Variants in TPO observed in about 807,000 individuals in gnomAD.
The protein encoded by TPO is thyroid peroxidase.
A neutral mutation model predicts 96.9 loss-of-function variants in TPO; 78 were observed. The observed-to-expected ratio is 0.81, with a 90% CI of 0.67 to 0.97. TPO has a LOEUF of 0.97. Among genes scored for constraint, TPO ranks in the 50% least tolerant of loss-of-function variants. TPO has a pLI of 0.00. For missense variants in TPO, 1,252 were observed against 1,274.8 expected, an observed-to-expected ratio of 0.98 and a Z score of 0.27; for synonymous variants, 547 against 538.0, an observed-to-expected ratio of 1.02 and a Z score of -0.23.
chr2:1,501,709 C>T (rs1339617785), intron 13 of TPO, among the ~76,000 whole-genome samples: 3 of 152,102 alleles, frequency 2.0e-5, no homozygotes, highest in African/African-American at 7.2e-5. Context: ...TGTGAAGACC[C>T]AGGATGGAAA....
At chr2:1,537,647 C>T (rs1680121845) in intron 15 of TPO, among the ~76,000 whole-genome samples, 1 of 136,544 alleles carries the variant, frequency 7.3e-6, no homozygotes, top group Non-Finnish European at 1.6e-5. Flanking sequence ...CCCAGATCCC[C>T]CCCAATGTGT....
intron 15 of TPO, among the ~76,000 whole-genome samples, chr2:1,521,236 G>A (rs1458757973): frequency 6.6e-6 from 1 of 152,194 alleles, no homozygotes; most frequent in Non-Finnish European, 1.5e-5. Context: ...AGCCAGGTTT[G>A]TCCTCCGTCC....
chr2:1,461,019 G>T (rs1271603970), intron 7 of TPO, among the ~76,000 whole-genome samples: 1 of 152,220 alleles, frequency 6.6e-6, no homozygotes, highest in African/African-American at 2.4e-5. Flanking sequence ...GGCTGCTATT[G>T]GGGTAATTTA....
At chr2:1,446,278 A>T (rs78317016) in intron 5 of TPO, among the ~76,000 whole-genome samples, 2,033 of 152,306 alleles carry the variant, frequency 0.013, 21 homozygotes, top group Non-Finnish European at 0.021. Flanking sequence ...GTTAGATGGT[A>T]ACCCCTGGGC....
rs766176917 is a variant in TPO, at chr2:1,503,927, G to A, written c.2387-21G>A. 3.1e-6 allele frequency: 5 copies of A among 1,614,170 alleles called. No homozygotes were observed. In the East Asian group the frequency reaches 6.7e-5, roughly 22 times the overall value. ...GGTGCAGCCGCTTCCTCTCACGTGT[G>A]TGGCCTTGTGTGTCTGGCAGATGTG... On this transcript the variant is annotated intron_variant, in intron 13 of 16. Transcript: ENST00000329066.
chr2:1,489,940 A>G (rs76665631), intron 10 of TPO, among the ~76,000 whole-genome samples: 13,621 of 115,696 alleles, frequency 0.12, 895 homozygotes, highest in South Asian at 0.21. Flanking sequence ...AGGAGGAGTC[A>G]CGACAGAGCA....
Position 1,448,177 on chromosome 2 carries a change from G to A in TPO, c.483-5517G>A, listed in dbSNP as rs576072562. ...AGGAGACTGCATGTTGTGCCCTGCC[G>A]GCATCCACACATTTGTGTAGTACCC... On this transcript the variant is annotated intron_variant, in intron 5 of 16. Coordinates refer to ENST00000329066, the MANE Select transcript of TPO (RefSeq NM_001206744.2). Among the ~76,000 whole-genome samples, 9 of 152,292 alleles carry A rather than the reference G, an allele frequency of 5.9e-5. No individual in the cohort carries two copies. In the South Asian group the frequency reaches 6.2e-4, roughly 11 times the overall value.
At chr2:1,390,147 C>A (rs969062106) in intron 1 of TPO, among the ~76,000 whole-genome samples, 2 of 137,344 alleles carry the variant, frequency 1.5e-5, no homozygotes, top group Non-Finnish European at 3.0e-5. Context: ...TTAGGTATTT[C>A]TCCTAATGCT....
chr2:1,427,792 A>T (rs905696435), intron 3 of TPO, among the ~76,000 whole-genome samples: 1 of 152,126 alleles, frequency 6.6e-6, no homozygotes, highest in East Asian at 1.9e-4. Flanking sequence ...ATTCCCTTTT[A>T]GCATTCAGGG....
At chr2:1,415,357 T>C (rs374606945) in intron 2 of TPO, among the ~76,000 whole-genome samples, 6,304 of 32,098 alleles carry the variant, frequency 0.2, no homozygotes, top group Admixed American at 0.23. Context: ...CAGGTGACAC[T>C]TCGCCGGGCA....
At chr2:1,389,895 A>G (rs1295157465) in intron 1 of TPO, among the ~76,000 whole-genome samples, 1 of 151,674 alleles carries the variant, frequency 6.6e-6, no homozygotes, top group African/African-American at 2.4e-5. Flanking sequence ...TCAAATTGCT[A>G]TTTGTCTTTG....
intron 7 of TPO, among the ~76,000 whole-genome samples, chr2:1,473,075 T>C (rs1669586471): frequency 6.6e-6 from 1 of 152,172 alleles, no homozygotes; most frequent in Non-Finnish European, 1.5e-5. Context: ...CTTACAAATG[T>C]TTTTCTACAG....
chr2:1,453,775 C>T lies in TPO; in HGVS notation c.564C>T (p.Pro188=), dbSNP rs1429753001. ...TCTATGAGGACGGCTTCAGTCAGCC[C>T]CGAGGCTGGAACCCCGGCTTCTTGT... ...PPVYEDGFSQ[P]RGWNPGFLYN... The change falls in exon 6 of 17, where the codon CCC becomes CCT. Residue 188 remains proline, a synonymous_variant. Transcript: ENST00000329066. 6.2e-7 allele frequency: 1 copy of T among 1,613,896 alleles called. No individual in the cohort carries two copies. Among genetic ancestry groups the T allele is most frequent in the African/African-American group, 1.3e-5 (1 of 75,066 alleles).
At chr2:1,411,832 T>C (rs1662371359), upstream of TPO, among the ~76,000 whole-genome samples, 1 of 152,162 alleles carries the variant, frequency 6.6e-6, no homozygotes, top group Non-Finnish European at 1.5e-5. Flanking sequence ...GTGCTAACAC[T>C]AAGGCCAGTG....
At chr2:1,524,527 A>C (rs1401674713) in intron 15 of TPO, among the ~76,000 whole-genome samples, 301 of 38,970 alleles carry the variant, frequency 7.7e-3, no homozygotes, top group East Asian at 8.7e-3. Context: ...CCCAAATCCC[A>C]CCCACTGTGT....
At chr2:1,420,630 C>A (rs559546422) in intron 2 of TPO, among the ~76,000 whole-genome samples, 1 of 152,206 alleles carries the variant, frequency 6.6e-6, no homozygotes, top group South Asian at 2.1e-4. Context: ...CTGAGGAAGA[C>A]CTGCACGCAA....
At chr2:1,522,425 G>A (rs1229263460) in intron 15 of TPO, among the ~76,000 whole-genome samples, 1 of 104,090 alleles carries the variant, frequency 9.6e-6, no homozygotes, top group Non-Finnish European at 1.9e-5. Context: ...CCGTGCCCTC[G>A]CAGTCTCTCT....
chr2:1,522,105 C>A (rs570332890), intron 15 of TPO, among the ~76,000 whole-genome samples: 2 of 151,522 alleles, frequency 1.3e-5, no homozygotes, highest in Non-Finnish European at 2.9e-5. Flanking sequence ...CGTGCCCTGG[C>A]AGTCTCTCTA....
intron 7 of TPO, 66 bp from the exon 8 acceptor site, chr2:1,477,020 A>G: frequency 6.5e-7 from 1 of 1,545,632 alleles, no homozygotes; most frequent in Non-Finnish European, 8.7e-7. Flanking sequence ...CCGGCCTCGA[A>G]CTTCCAGAGT....
Sources: allele counts gnomAD v4.1 joint callset (sites outside exome capture counted in the v4.1 genomes callset), GRCh38; gene constraint gnomAD v4.1.1; transcripts MANE v1.5; gene names NCBI Gene and HGNC (gene_info 2026-07-23, HGNC 2026-07-21).